DENND4C: variants seen among roughly 807,000 people sequenced by gnomAD.
DENND4C encodes DENN domain-containing protein 4C.
Under a neutral mutation model 203.0 loss-of-function variants are expected in DENND4C, and 108 were observed. That is an observed-to-expected ratio of 0.53 (90% CI 0.46 to 0.62). The LOEUF (loss-of-function observed/expected upper bound fraction) is 0.62, where lower values mean the gene tolerates loss of function less well. Ranked by LOEUF, DENND4C falls within the 20% of genes least tolerant of loss-of-function variation. The probability of loss-of-function intolerance (pLI) is 0.00; values close to 1 mark genes in which losing one functional copy is unlikely to be tolerated. For missense variants in DENND4C, 2,481 were observed against 2,301.2 expected, an observed-to-expected ratio of 1.08 and a Z score of -1.60; for synonymous variants, 871 against 792.4, an observed-to-expected ratio of 1.10 and a Z score of -1.67.
At chr9:19,292,286 T>C (rs1836496065) in intron 5 of DENND4C, 1 of 151,876 alleles carries the variant, frequency 6.6e-6, no homozygotes, top group African/African-American at 2.4e-5. Context: ...TGCCTCAGCC[T>C]CCCAAAGTCC....
chr9:19,289,047 CT>C (rs918539912), intron 4 of DENND4C, among the ~76,000 whole-genome samples: 9 of 152,286 alleles, frequency 5.9e-5, no homozygotes, highest in Middle Eastern at 3.4e-3. Flanking sequence ...CTTCTCTTAT[CT>C]CTTTGTGTCT....
At chr9:19,250,508 G>T (rs1010594652) in intron 1 of DENND4C, among the ~76,000 whole-genome samples, 1 of 152,032 alleles carries the variant, frequency 6.6e-6, no homozygotes, top group Non-Finnish European at 1.5e-5. Flanking sequence ...GATTACAAAC[G>T]TGAGTCGCTG....
chr9:19,361,738 G>T (rs1326942303), intron 29 of DENND4C, 108 bp from the exon 30 acceptor site: 2 of 574,946 alleles, frequency 3.5e-6, no homozygotes, highest in South Asian at 2.8e-5. Context: ...CTGAATTTTA[G>T]GTCCAGAATT....
intron 26 of DENND4C, among the ~76,000 whole-genome samples, chr9:19,356,487 G>A (rs1825421678): frequency 6.6e-6 from 1 of 151,948 alleles, no homozygotes; most frequent in South Asian, 2.1e-4. Flanking sequence ...GAGATAAGAT[G>A]TAAATAAAAC....
intron 31 of DENND4C, chr9:19,371,246 G>A (rs1828779307): frequency 6.6e-6 from 1 of 152,268 alleles, no homozygotes; most frequent in South Asian, 2.1e-4. Flanking sequence ...AAATAAAGGT[G>A]AACTGTCCTT....
At position 19,316,586 on chromosome 9, in the gene DENND4C, A is replaced by G. The variant is rs371826095; in HGVS notation, c.1589-35A>G. 79 of 1,606,262 alleles carry G rather than the reference A, an allele frequency of 4.9e-5. 2 individuals carry two copies. In the South Asian group the frequency reaches 7.4e-4, roughly 15 times the overall value. On this transcript the variant is annotated intron_variant, in intron 11 of 32. Transcript: ENST00000434457. ...CGAGAAAATTCTTCTTAAATTTAAC[A>G]TAATACCATTTTCTGTTTTTATTTC...
At chr9:19,258,602 A>T (rs1290243065) in intron 1 of DENND4C, among the ~76,000 whole-genome samples, 1 of 152,228 alleles carries the variant, frequency 6.6e-6, no homozygotes, top group African/African-American at 2.4e-5. Flanking sequence ...TGATCTCAGT[A>T]GATGCAGAAA....
At chr9:19,237,901 G>A (rs1481656458) in intron 1 of DENND4C, among the ~76,000 whole-genome samples, 2 of 152,068 alleles carry the variant, frequency 1.3e-5, no homozygotes, top group Non-Finnish European at 2.9e-5. Context: ...TTCAATATGT[G>A]TAGTAATTTC....
intron 29 of DENND4C, among the ~76,000 whole-genome samples, chr9:19,361,251 G>T (rs1299704361): frequency 1.3e-5 from 2 of 152,134 alleles, no homozygotes; most frequent in Non-Finnish European, 2.9e-5. Flanking sequence ...ATATTTTTCA[G>T]ATGTTATAAT....
At chr9:19,333,441 T>G (rs1819730707) in intron 17 of DENND4C, among the ~76,000 whole-genome samples, 1 of 152,190 alleles carries the variant, frequency 6.6e-6, no homozygotes, top group Non-Finnish European at 1.5e-5. Flanking sequence ...GTACATTGTG[T>G]AGGATGTTTA....
In DENND4C at chr9:19,358,220, C is replaced by T. The variant is rs1825792838; in HGVS notation, c.5160+60C>T. 9 of 1,332,558 alleles carry T rather than the reference C, an allele frequency of 6.8e-6. No homozygotes were observed. In the East Asian group the frequency reaches 1.7e-4, roughly 24 times the overall value. The allele number at this position is 1,332,558 out of a possible 1,614,324, so 82.5% of individuals were successfully genotyped here. On this transcript the variant is annotated intron_variant, in intron 28 of 32. Coordinates refer to ENST00000434457, the MANE Select transcript of DENND4C (RefSeq NM_001330640.2). The surrounding 1 kb of genome is among the most constrained non-coding windows in gnomAD (Gnocchi z 4.8). Reference sequence around the variant, plus strand: ...ATACACACCTAAGTATATAGTAGAACATTATAAATTCTTCTGTAGTGGACT... The same window carrying T: ...ATACACACCTAAGTATATAGTAGAATATTATAAATTCTTCTGTAGTGGACT...
chr9:19,325,775 T>G (rs770251910), intron 13 of DENND4C, among the ~76,000 whole-genome samples, 164 bp from the exon 14 acceptor site: 29 of 152,184 alleles, frequency 1.9e-4, no homozygotes, highest in Non-Finnish European at 3.7e-4. Context: ...AAAATTATGC[T>G]TTAGCCTAAG....
intron 30 of DENND4C, among the ~76,000 whole-genome samples, chr9:19,366,586 A>T (rs1420364467): frequency 6.7e-6 from 1 of 148,938 alleles, no homozygotes. Flanking sequence ...CCTGGGCAAC[A>T]GAGTGACTCT....
intron 1 of DENND4C, among the ~76,000 whole-genome samples, chr9:19,234,337 T>C (rs527552112): frequency 3.8e-4 from 57 of 151,932 alleles, no homozygotes; most frequent in Non-Finnish European, 2.9e-4. Context: ...TTCAAGCGAT[T>C]CTCCTGTCTC....
chr9:19,304,158 T>A (rs909623372), intron 9 of DENND4C, among the ~76,000 whole-genome samples: 4 of 150,696 alleles, frequency 2.7e-5, no homozygotes, highest in African/African-American at 9.7e-5. Context: ...TTCTGTCTTA[T>A]CATGTCTAGA....
At chr9:19,300,541 G>A (rs890929677) in intron 9 of DENND4C, among the ~76,000 whole-genome samples, 1 of 152,126 alleles carries the variant, frequency 6.6e-6, no homozygotes, top group Non-Finnish European at 1.5e-5. Flanking sequence ...TCTATTTTAG[G>A]AAAAACGTCA....
chr9:19,301,044 G>A (rs1413947973), intron 9 of DENND4C, among the ~76,000 whole-genome samples: 1 of 152,088 alleles, frequency 6.6e-6, no homozygotes, highest in Non-Finnish European at 1.5e-5. Flanking sequence ...CGGGTGTGGT[G>A]GCACATGCCT....
At chr9:19,257,025 A>G (rs58734434) in intron 1 of DENND4C, among the ~76,000 whole-genome samples, 4,391 of 151,458 alleles carry the variant, frequency 0.029, 209 homozygotes, top group African/African-American at 0.098. Context: ...AGCCGAGATC[A>G]CGCCACTGTA....
rs993113016 is a variant in DENND4C at position 19,372,891 on chromosome 9, T to C, written c.*718T>C. On this transcript the variant is annotated 3_prime_UTR_variant, in exon 33 of 33. Coordinates refer to ENST00000434457, the MANE Select transcript of DENND4C (RefSeq NM_001330640.2). ...AAAAAAAAAAAAAAAGAGAGCAACATATTTGTGTAAGTTTGTATATGTGTA... is the reference window on the plus strand; with the variant it reads ...AAAAAAAAAAAAAAAGAGAGCAACACATTTGTGTAAGTTTGTATATGTGTA... 1 of 145,434 alleles carries C rather than the reference T, an allele frequency of 6.9e-6. No homozygotes were observed. The highest frequency in any genetic ancestry group is 2.6e-5 in the African/African-American group (1 of 38,108). The allele number at this position is 145,434 out of a possible 1,614,324, so 9.0% of individuals were successfully genotyped here. A position where few individuals can be genotyped will look rare whatever the true frequency, so the allele number is the denominator to read the frequency against.
Sources: gnomAD v4.1 joint callset for allele counts (sites outside exome capture counted in the v4.1 genomes callset) on GRCh38, gnomAD v4.1.1 for gene constraint, Gnocchi (gnomAD v3.1) non-coding constraint, MANE v1.5 for transcripts, NCBI Gene and HGNC (gene_info 2026-07-23, HGNC 2026-07-21) for gene names.